Variants in RBFOX1 observed in about 807,000 individuals in gnomAD.
RBFOX1 encodes the protein RNA binding fox-1 homolog 1.
RBFOX1 carries 8 observed loss-of-function variants against 57.7 expected under a neutral mutation model. That is an observed-to-expected ratio of 0.14 (90% confidence interval 0.08 to 0.25). RBFOX1 has a LOEUF of 0.25. RBFOX1 is among the 10% of genes least tolerant of loss of function. The probability of loss-of-function intolerance (pLI) is 1.00; values close to 1 mark genes in which losing one functional copy is unlikely to be tolerated. For synonymous variants in RBFOX1, 326 were observed against 222.4 expected, an observed-to-expected ratio of 1.47 and a Z score of -4.15; for missense variants, 611 against 548.5, an observed-to-expected ratio of 1.11 and a Z score of -1.14.
intron 4 of RBFOX1, among the ~76,000 whole-genome samples, chr16:7,265,512 G>A (rs767020688): frequency 2.0e-5 from 3 of 151,046 alleles, no homozygotes; most frequent in Non-Finnish European, 4.4e-5. Flanking sequence ...GCAGTGGCAC[G>A]ATCTCAGCTC....
intron 3 of RBFOX1, among the ~76,000 whole-genome samples, chr16:7,046,098 T>A (rs976506355): frequency 6.8e-6 from 1 of 147,674 alleles, no homozygotes; most frequent in Non-Finnish European, 1.5e-5. Context: ...AAGGATAGTT[T>A]GAAAACTACA....
At chr16:7,465,777 C>A (rs1032651987) in intron 4 of RBFOX1, among the ~76,000 whole-genome samples, 3 of 152,182 alleles carry the variant, frequency 2.0e-5, no homozygotes, top group Admixed American at 1.3e-4. Flanking sequence ...TGCTGAACCC[C>A]AGGAATATGC....
intron 1 of RBFOX1, among the ~76,000 whole-genome samples, chr16:6,198,456 C>G (rs1225882780): frequency 6.6e-6 from 1 of 152,104 alleles, no homozygotes; most frequent in East Asian, 1.9e-4. Context: ...GAGGGAGACT[C>G]TTTTTAAGAT....
chr16:7,244,021 A>G (rs1052835197), intron 4 of RBFOX1, among the ~76,000 whole-genome samples: 8 of 152,130 alleles, frequency 5.3e-5, no homozygotes, highest in African/African-American at 1.9e-4. Context: ...CTTTTAAATC[A>G]ATATCTCAAA....
At chr16:6,862,802 T>C (rs933580356) in intron 3 of RBFOX1, among the ~76,000 whole-genome samples, 1 of 152,038 alleles carries the variant, frequency 6.6e-6, no homozygotes, top group East Asian at 1.9e-4. Context: ...CTGGCCAAAA[T>C]GGTGAAACCT....
intron 3 of RBFOX1, among the ~76,000 whole-genome samples, chr16:6,742,576 A>T (rs1294026962): frequency 6.6e-6 from 1 of 152,206 alleles, no homozygotes; most frequent in Non-Finnish European, 1.5e-5. Context: ...AAAACTGGAA[A>T]CAACCAAAAT....
chr16:6,477,097 T>C (rs1245415842), intron 2 of RBFOX1, among the ~76,000 whole-genome samples: 3 of 152,218 alleles, frequency 2.0e-5, no homozygotes, highest in Non-Finnish European at 4.4e-5. Context: ...AGGTTCTTCC[T>C]CCACTGAAGT....
At chr16:7,191,271 T>C (rs939195660) in intron 4 of RBFOX1, among the ~76,000 whole-genome samples, 4 of 151,916 alleles carry the variant, frequency 2.6e-5, no homozygotes. Flanking sequence ...ATTCCAGTCA[T>C]GGCACATCAG....
At chr16:6,484,041 G>C in intron 2 of RBFOX1, 1 of 606,770 alleles carries the variant, frequency 1.6e-6, no homozygotes. Flanking sequence ...GGATTGGGGA[G>C]CCCGGAGATG....
At chr16:5,396,335 G>C (rs1415320077) in intron 1 of RBFOX1, among the ~76,000 whole-genome samples, 1 of 152,080 alleles carries the variant, frequency 6.6e-6, no homozygotes, top group Non-Finnish European at 1.5e-5. Flanking sequence ...GTCAGTAGGT[G>C]GCTGAATAGA....
chr16:7,348,353 A>T (rs568589669), intron 4 of RBFOX1, among the ~76,000 whole-genome samples: 1 of 152,284 alleles, frequency 6.6e-6, no homozygotes, highest in Non-Finnish European at 1.5e-5. Flanking sequence ...ACTTGCAAGC[A>T]GCTGGGTTTT....
chr16:6,629,197 T>C (rs923366666), intron 2 of RBFOX1, among the ~76,000 whole-genome samples: 1 of 152,196 alleles, frequency 6.6e-6, no homozygotes. Flanking sequence ...GAATTTGTAA[T>C]TGTGATGGAA....
At chr16:5,866,082 C>T (rs1161185475) in intron 3 of RBFOX1, among the ~76,000 whole-genome samples, 2 of 152,200 alleles carry the variant, frequency 1.3e-5, no homozygotes, top group Non-Finnish European at 2.9e-5. Context: ...ATTCTCCTGC[C>T]TCAGCCTCCC....
chr16:6,532,226 A>G (rs1223332623), intron 2 of RBFOX1, among the ~76,000 whole-genome samples: 3 of 152,106 alleles, frequency 2.0e-5, no homozygotes, highest in African/African-American at 4.8e-5. Flanking sequence ...AAAGTACCCA[A>G]TGTATGGTCT....
intron 3 of RBFOX1, among the ~76,000 whole-genome samples, chr16:5,823,676 A>G (rs1409907412): frequency 6.6e-6 from 1 of 152,140 alleles, no homozygotes; most frequent in Non-Finnish European, 1.5e-5. Flanking sequence ...AGATTATCAT[A>G]GGAGTGCAAA....
At chr16:6,041,611 A>G (rs1241691215) in intron 1 of RBFOX1, among the ~76,000 whole-genome samples, 1 of 152,098 alleles carries the variant, frequency 6.6e-6, no homozygotes, top group Non-Finnish European at 1.5e-5. Flanking sequence ...CAGAGCCAGG[A>G]TGCAAACTCA....
At chr16:6,689,930 A>T (rs2059969804) in intron 3 of RBFOX1, among the ~76,000 whole-genome samples, 1 of 152,208 alleles carries the variant, frequency 6.6e-6, no homozygotes, top group African/African-American at 2.4e-5. Flanking sequence ...GAGAATCAGC[A>T]ACGAAGAGGT....
At chr16:5,860,638 C>T (rs572966332) in intron 3 of RBFOX1, among the ~76,000 whole-genome samples, 256 of 152,248 alleles carry the variant, frequency 1.7e-3, no homozygotes, top group African/African-American at 6.0e-3. Context: ...ATAGTGAGGT[C>T]CAGATACCTC....
At chr16:7,369,050 G>A (rs1429789711) in intron 4 of RBFOX1, among the ~76,000 whole-genome samples, 1 of 152,042 alleles carries the variant, frequency 6.6e-6, no homozygotes, top group Admixed American at 6.5e-5. Context: ...ATAGCATGGT[G>A]GTGGTAGAAG....
Sources: gnomAD v4.1 joint callset for allele counts (sites outside exome capture counted in the v4.1 genomes callset) on GRCh38, gnomAD v4.1.1 for gene constraint, MANE v1.5 for transcripts, NCBI Gene and HGNC (gene_info 2026-07-23, HGNC 2026-07-21) for gene names.